ATE1: variants seen among roughly 807,000 people sequenced by gnomAD.
The protein encoded by ATE1 is arginyltransferase 1, also known as arginyl-tRNA--protein transferase 1.
In ATE1, 36 loss-of-function variants were observed where a neutral mutation model predicts 70.5. The observed-to-expected ratio is 0.51, with a 90% CI of 0.39 to 0.67. The LOEUF (loss-of-function observed/expected upper bound fraction) is 0.67. Ranked by LOEUF, ATE1 falls within the 30% of genes least tolerant of loss-of-function variation. ATE1 has a pLI of 0.00. For synonymous variants in ATE1, 232 were observed against 219.3 expected (o/e 1.06, Z -0.51); for missense variants, 593 against 629.5 (o/e 0.94, Z 0.62).
At chr10:121,879,230 C>G (rs1950154884) in intron 7 of ATE1, among the ~76,000 whole-genome samples, 2 of 152,252 alleles carry the variant, frequency 1.3e-5, no homozygotes, top group South Asian at 4.1e-4. Context: ...ATCAGGTACT[C>G]TCCCAACTAC....
intron 3 of ATE1, among the ~76,000 whole-genome samples, chr10:121,920,466 G>C (rs1222407245): frequency 1.3e-5 from 2 of 151,484 alleles, no homozygotes; most frequent in Non-Finnish European, 2.9e-5. Flanking sequence ...TGGCAGGCAG[G>C]CTGCAGTGAG....
At chr10:121,882,826 C>T (rs1336870644) in intron 7 of ATE1, among the ~76,000 whole-genome samples, 1 of 152,178 alleles carries the variant, frequency 6.6e-6, no homozygotes, top group Admixed American at 6.5e-5. Flanking sequence ...TGACAGCTAA[C>T]ATCCCATTTC....
intron 11 of ATE1, among the ~76,000 whole-genome samples, chr10:121,757,985 C>CTT (rs1199161835): frequency 6.6e-6 from 1 of 152,076 alleles, no homozygotes; most frequent in Non-Finnish European, 1.5e-5. Context: ...CATATTGTTT[C>CTT]TTTTCTTCTG....
intron 3 of ATE1, among the ~76,000 whole-genome samples, chr10:121,915,446 A>G (rs1475534309): frequency 2.0e-5 from 3 of 152,152 alleles, no homozygotes; most frequent in African/African-American, 7.2e-5. Context: ...GTGAAAAGAT[A>G]GAATAAAAAA....
In ATE1 at chr10:121,901,224, G is replaced by A. The variant is rs190889099; in HGVS notation, c.813+1167C>T. On this transcript the variant is annotated intron_variant, in intron 6 of 11. Transcript: ENST00000224652. ...AGAGGTTGCAGTGAGCCGAGATCGC[G>A]CCATTGCACTCCAGCCTAGGCAACA... is the stretch of plus-strand genomic sequence containing the variant. Among the ~76,000 whole-genome samples, 899 of 151,852 alleles carry A rather than the reference G, an allele frequency of 5.9e-3. 9 individuals are homozygous for A. Among genetic ancestry groups the A allele is most frequent in the South Asian group, 0.016 (76 of 4,812 alleles).
At chr10:121,863,223 T>A (rs1415357508) in intron 8 of ATE1, among the ~76,000 whole-genome samples, 1 of 147,022 alleles carries the variant, frequency 6.8e-6, no homozygotes, top group Non-Finnish European at 1.5e-5. Flanking sequence ...GAAATGTCAC[T>A]CTTTCTTCCA....
At chr10:121,804,579 C>T (rs1282865392) in intron 10 of ATE1, among the ~76,000 whole-genome samples, 1 of 152,112 alleles carries the variant, frequency 6.6e-6, no homozygotes, top group African/African-American at 2.4e-5. Context: ...GATGATTATA[C>T]TTTTGGGCGT....
At chr10:121,857,779 A>G (rs748205810) in intron 8 of ATE1, among the ~76,000 whole-genome samples, 17 of 152,130 alleles carry the variant, frequency 1.1e-4, no homozygotes, top group Non-Finnish European at 2.1e-4. Context: ...CTACCCACAC[A>G]ATCCATCCAT....
intron 10 of ATE1, among the ~76,000 whole-genome samples, chr10:121,812,445 G>A: frequency 6.6e-6 from 1 of 152,160 alleles, no homozygotes; most frequent in Admixed American, 6.5e-5. Context: ...AGGAGGAGGA[G>A]GATGTCCTTA....
chr10:121,830,843 G>A (rs1024220538), intron 10 of ATE1, among the ~76,000 whole-genome samples: 1 of 152,020 alleles, frequency 6.6e-6, no homozygotes, highest in African/African-American at 2.4e-5. Flanking sequence ...CAGATTTTCG[G>A]AATTCCCCCT....
chr10:121,803,859 G>C (rs1458916346), intron 10 of ATE1, among the ~76,000 whole-genome samples: 3 of 152,174 alleles, frequency 2.0e-5, no homozygotes, highest in Admixed American at 6.5e-5. Flanking sequence ...GTAATCTTTG[G>C]TAATCATTCC....
At chr10:121,794,449 T>G (rs554580746) in intron 10 of ATE1, among the ~76,000 whole-genome samples, 1 of 151,494 alleles carries the variant, frequency 6.6e-6, no homozygotes, top group Admixed American at 6.6e-5. Context: ...TACAAAAAAA[T>G]TTTTTAATTA....
intron 11 of ATE1, among the ~76,000 whole-genome samples, chr10:121,780,815 A>G (rs1017562710): frequency 1.3e-5 from 2 of 152,088 alleles, no homozygotes; most frequent in Non-Finnish European, 2.9e-5. Flanking sequence ...ACCCCGTCAA[A>G]TTCTGGAATG....
chr10:121,883,324 A>C (rs952316386), intron 7 of ATE1, among the ~76,000 whole-genome samples: 1 of 152,124 alleles, frequency 6.6e-6, no homozygotes, highest in African/African-American at 2.4e-5. Context: ...TGATTTACTC[A>C]CTGATTAAAC....
At chr10:121,845,675 T>C (rs1413130973) in intron 8 of ATE1, among the ~76,000 whole-genome samples, 1 of 152,162 alleles carries the variant, frequency 6.6e-6, no homozygotes, top group Non-Finnish European at 1.5e-5. Context: ...ACACGAATAC[T>C]GGAGGTGACC....
chr10:121,916,011 C>T (rs1229239530), intron 3 of ATE1, among the ~76,000 whole-genome samples: 1 of 151,408 alleles, frequency 6.6e-6, no homozygotes, highest in African/African-American at 2.4e-5. Flanking sequence ...CCGAGGCGGG[C>T]AGATCACAAG....
chr10:121,763,868 G>A (rs534217370), intron 11 of ATE1, among the ~76,000 whole-genome samples: 2 of 152,182 alleles, frequency 1.3e-5, no homozygotes, highest in Admixed American at 6.5e-5. Context: ...ACAAAAATTA[G>A]CCGAGCACTG....
chr10:121,797,398 T>C (rs1439892146), intron 10 of ATE1, among the ~76,000 whole-genome samples: 1 of 152,186 alleles, frequency 6.6e-6, no homozygotes, highest in Non-Finnish European at 1.5e-5. Flanking sequence ...CTTTTTGTTT[T>C]CATAAGGTTG....
At chr10:121,828,338 G>A (rs191398120) in intron 10 of ATE1, among the ~76,000 whole-genome samples, 58 of 152,230 alleles carry the variant, frequency 3.8e-4, no homozygotes, top group Middle Eastern at 3.4e-3. Context: ...AAAACGTAGT[G>A]GCCTTAAACA....
Sources: gnomAD v4.1 joint callset for allele counts (sites outside exome capture counted in the v4.1 genomes callset) on GRCh38, gnomAD v4.1.1 for gene constraint, MANE v1.5 for transcripts, NCBI Gene and HGNC (gene_info 2026-07-23, HGNC 2026-07-21) for gene names.